Variants in AMMECR1 observed in about 807,000 individuals in gnomAD.
AMMECR1 encodes AMMECR nuclear protein 1, also known as nuclear protein AMMECR1.
In AMMECR1, 3 loss-of-function variants were observed where a neutral mutation model predicts 22.5. The ratio of observed to expected loss-of-function variants is 0.13; its 90% CI spans 0.06 to 0.35. The LOEUF (loss-of-function observed/expected upper bound fraction) is 0.35, where lower values mean the gene tolerates loss of function less well. Ranked by LOEUF, AMMECR1 falls within the 10% of genes least tolerant of loss-of-function variation. AMMECR1 has a pLI of 1.00. For missense variants in AMMECR1, 235 were observed against 278.7 expected (o/e 0.84, Z 1.12); for synonymous variants, 130 against 116.7 (o/e 1.11, Z -0.74).
chrX:110,223,478 A>C (rs1162025683), intron 2 of AMMECR1, among the ~76,000 whole-genome samples: 1 of 112,189 alleles, frequency 8.9e-6, no homozygotes, highest in African/African-American at 3.2e-5. Flanking sequence ...GTGGGTTTGG[A>C]AAAGATTACG....
intron 1 of AMMECR1, among the ~76,000 whole-genome samples, chrX:110,275,594 G>A (rs768010014): frequency 9.0e-6 from 1 of 111,214 alleles, no homozygotes; most frequent in Non-Finnish European, 1.9e-5. Flanking sequence ...ACTTTGGGAG[G>A]CTGAGGTGGA....
chrX:110,407,090 C>T (rs2068608039), intron 2 of AMMECR1, among the ~76,000 whole-genome samples: 1 of 111,859 alleles, frequency 8.9e-6, no homozygotes, highest in Non-Finnish European at 1.9e-5. Context: ...ACAATGCCGC[C>T]AACTTCACCA....
intron 2 of AMMECR1, among the ~76,000 whole-genome samples, chrX:110,242,660 G>T (rs1442412374): frequency 8.9e-6 from 1 of 111,742 alleles, no homozygotes; most frequent in Non-Finnish European, 1.9e-5. Context: ...TTAAATTATG[G>T]CTTGACTTGG....
chrX:110,317,530 G>C, intron 1 of AMMECR1, 69 bp downstream of exon 1: 1 of 1,091,594 alleles, frequency 9.2e-7, no homozygotes, highest in Admixed American at 3.7e-5. Flanking sequence ...AGGCGGACTC[G>C]CACTTTGCCT....
intron 2 of AMMECR1, among the ~76,000 whole-genome samples, chrX:110,328,574 A>G (rs1454665297): frequency 1.9e-5 from 2 of 106,842 alleles, no homozygotes; most frequent in Non-Finnish European, 3.9e-5. Context: ...CCATAAACCC[A>G]TCATCTACAT....
At chrX:110,222,619 T>A in intron 2 of AMMECR1, among the ~76,000 whole-genome samples, 2 of 90,028 alleles carry the variant, frequency 2.2e-5, no homozygotes, top group Non-Finnish European at 2.2e-5. Context: ...TATCCAATTC[T>A]GGAAAAAAAA....
At chrX:110,297,837 T>C (rs2067945460) in intron 1 of AMMECR1, among the ~76,000 whole-genome samples, 1 of 111,136 alleles carries the variant, frequency 9.0e-6, no homozygotes, top group African/African-American at 3.3e-5. Context: ...CAACAAAATA[T>C]GTGGAATCCC....
chrX:110,298,230 A>C, intron 1 of AMMECR1, among the ~76,000 whole-genome samples: 1 of 111,717 alleles, frequency 9.0e-6, no homozygotes, highest in Non-Finnish European at 1.9e-5. Flanking sequence ...AAATAAGAAA[A>C]TGGTCATTAT....
chrX:110,242,738 T>C (rs1195458139), intron 2 of AMMECR1, among the ~76,000 whole-genome samples: 1 of 112,144 alleles, frequency 8.9e-6, no homozygotes, highest in Non-Finnish European at 1.9e-5. Context: ...GAGGCAGCTC[T>C]GAGTTATTCC....
At chrX:110,288,748 C>T (rs144661890) in intron 1 of AMMECR1, among the ~76,000 whole-genome samples, 2,695 of 111,958 alleles carry the variant, frequency 0.024, 79 homozygotes, top group African/African-American at 0.083. Flanking sequence ...CAAATCTAAT[C>T]TCACAGCTAA....
At chrX:110,368,570 C>G (rs1229118379) in intron 2 of AMMECR1, among the ~76,000 whole-genome samples, 3 of 112,268 alleles carry the variant, frequency 2.7e-5, no homozygotes, top group Non-Finnish European at 5.6e-5. Flanking sequence ...ATCAGTGATA[C>G]TTTCTTTATC....
At chrX:110,206,373 C>A (rs2067421820) in intron 3 of AMMECR1, among the ~76,000 whole-genome samples, 1 of 111,965 alleles carries the variant, frequency 8.9e-6, no homozygotes, top group Non-Finnish European at 1.9e-5. Flanking sequence ...AATGCAGTGA[C>A]CCTCAACACA....
intron 2 of AMMECR1, among the ~76,000 whole-genome samples, chrX:110,250,921 T>C (rs1401334126): frequency 8.9e-6 from 1 of 112,104 alleles, no homozygotes; most frequent in Admixed American, 9.5e-5. Flanking sequence ...CTCATGTCAA[T>C]TTGTTTTCTA....
At chrX:110,263,542 C>T (rs1044360163) in intron 2 of AMMECR1, among the ~76,000 whole-genome samples, 1 of 111,714 alleles carries the variant, frequency 9.0e-6, no homozygotes, top group African/African-American at 3.2e-5. Context: ...AAATAATGTT[C>T]CACATTAATC....
At chrX:110,252,696 A>T (rs1028844749) in intron 2 of AMMECR1, among the ~76,000 whole-genome samples, 1 of 112,504 alleles carries the variant, frequency 8.9e-6, no homozygotes, top group Non-Finnish European at 1.9e-5. Flanking sequence ...GCTGATAAAA[A>T]CAAGACTTTT....
intron 2 of AMMECR1, among the ~76,000 whole-genome samples, chrX:110,402,889 C>T (rs2068574730): frequency 8.9e-6 from 1 of 112,165 alleles, no homozygotes; most frequent in South Asian, 3.8e-4. Flanking sequence ...GGACTGCCCC[C>T]TTTTCTTCAG....
chrX:110,418,580 T>G (rs2068694823), intron 2 of AMMECR1, among the ~76,000 whole-genome samples: 1 of 111,416 alleles, frequency 9.0e-6, no homozygotes, highest in South Asian at 3.9e-4. Context: ...GGTGGGGCAA[T>G]CAGTGTAGCT....
intron 2 of AMMECR1, among the ~76,000 whole-genome samples, chrX:110,252,755 T>C (rs982334387): frequency 8.9e-6 from 1 of 112,644 alleles, no homozygotes; most frequent in Non-Finnish European, 1.9e-5. Context: ...CCACGTACTG[T>C]TGTAGGCTTT....
chrX:110,246,088 TTC>T (rs1239142985), intron 2 of AMMECR1, among the ~76,000 whole-genome samples: 4 of 112,311 alleles, frequency 3.6e-5, no homozygotes, highest in African/African-American at 9.7e-5. Flanking sequence ...CCCAGGCTAT[TTC>T]TGTTTCTCAT....
Sources: gnomAD v4.1 joint callset for allele counts (sites outside exome capture counted in the v4.1 genomes callset) on GRCh38, gnomAD v4.1.1 for gene constraint, MANE v1.5 for transcripts, NCBI Gene and HGNC (gene_info 2026-07-23, HGNC 2026-07-21) for gene names.